ADCY4: variants seen among roughly 807,000 people sequenced by gnomAD.
ADCY4 encodes the protein adenylate cyclase type 4.
A neutral mutation model predicts 125.5 loss-of-function variants in ADCY4; 111 were observed. The ratio of observed to expected loss-of-function variants is 0.88; its 90% CI spans 0.76 to 1.04. The LOEUF is 1.04. ADCY4 is among the 50% of genes least tolerant of loss of function. ADCY4 has a pLI of 0.00. For missense variants in ADCY4, 1,256 were observed against 1,382.9 expected, an observed-to-expected ratio of 0.91 and a Z score of 1.46; for synonymous variants, 576 against 586.9, an observed-to-expected ratio of 0.98 and a Z score of 0.27.
At chr14:24,328,366 T>A (rs1211449459) in intron 10 of ADCY4, among the ~76,000 whole-genome samples, 2 of 152,198 alleles carry the variant, frequency 1.3e-5, no homozygotes, top group Non-Finnish European at 2.9e-5. Context: ...GATGCTGTGC[T>A]TCAGTGGTCA....
intron 6 of ADCY4, 80 bp from the exon 7 acceptor site, chr14:24,330,375 C>A (rs767046301): frequency 1.4e-5 from 22 of 1,591,274 alleles, no homozygotes; most frequent in South Asian, 2.2e-5. Context: ...AAGTGGGCAG[C>A]GAGCGGGGTA....
In ADCY4 at chr14:24,330,425, G is replaced by C. The variant is rs2042023523; in HGVS notation, c.931-130C>G. 3 of 1,287,920 alleles carry C rather than the reference G, an allele frequency of 2.3e-6. No homozygotes were observed. In the South Asian group the frequency reaches 4.1e-5, roughly 17 times the overall value. 79.8% of individuals were successfully genotyped at this position (1,287,920 alleles called of 1,614,324 possible). ...CCAAGGTGGGGTAGTGTCTAGATCA[G>C]ATCTAGGGACTCCTTTCACTTGATA... is the stretch of plus-strand genomic sequence containing the variant. On this transcript the variant is annotated intron_variant, in intron 6 of 24. Coordinates refer to ENST00000418030, the MANE Select transcript of ADCY4 (RefSeq NM_001198568.2).
In ADCY4 at chr14:24,323,303, G is replaced by A. The variant is rs537302509; in HGVS notation, c.2157+41C>T. 3.3e-6 allele frequency: 5 copies of A among 1,515,756 alleles called. No individual in the cohort carries two copies. The African/African-American group carries it at 4.2e-5, about 13-fold the overall frequency. 93.9% of individuals were successfully genotyped at this position (1,515,756 alleles called of 1,614,324 possible). On this transcript the variant is annotated intron_variant, in intron 17 of 24. Transcript: ENST00000418030. ...GGGGCTGTGGGCTTGGGCTGAGGAA[G>A]GGTGTGCAGAAGGAGATTAAGGGCA... is the stretch of plus-strand genomic sequence containing the variant.
rs2041905127 is a variant in ADCY4 at position 24,324,297 on chromosome 14, C to A, written c.1908+10G>T. Reference sequence around the variant, plus strand: ...CCGGCATACCACTTCCACCCCTCAGCCCACCTCACCATCAGGTCCTCTGAG... The same window carrying A: ...CCGGCATACCACTTCCACCCCTCAGACCACCTCACCATCAGGTCCTCTGAG... On this transcript the variant is annotated intron_variant, in intron 15 of 24. Transcript: ENST00000418030. The A allele has an allele frequency of 1.2e-6, 2 of 1,613,946 alleles. No homozygotes were observed. The highest frequency in any genetic ancestry group is 1.7e-6 in the Non-Finnish European group (2 of 1,179,908).
chr14:24,332,759 G>A lies in ADCY4; in HGVS notation c.357+32C>T, dbSNP rs779265980. ...CTGGTGAGGGATCGAAGCCCGGGCC[G>A]TCCCCGCTGCCCCGCCTGCCGCCCC... On this transcript the variant is annotated intron_variant, in intron 2 of 24. Coordinates refer to ENST00000418030, the MANE Select transcript of ADCY4 (RefSeq NM_001198568.2). The A allele has an allele frequency of 3.9e-6, 6 of 1,530,348 alleles. No individual in the cohort carries two copies. In the African/African-American group the frequency reaches 4.1e-5, roughly 10 times the overall value. 94.8% of individuals were successfully genotyped at this position (1,530,348 alleles called of 1,614,324 possible).
In ADCY4 at chr14:24,331,843, T is replaced by A. The variant is rs1306423853; in HGVS notation, c.614A>T (p.Glu205Val). The change falls in exon 4 of 25, where the codon GAG becomes GTG. Residue 205 changes from glutamate (E) to valine (V), a missense_variant. Physicochemically the swap from Glu to Val is moderately radical, Grantham distance 121. Transcript: ENST00000418030. ...MERALRATFR[E>V]ALSSLHSRRR... ...GCGTGAGTGCAGGGAGCTGAGTGCC[T>A]CCCGGAACGTGGCCCGCAGGGCGCG... 7.5e-6 allele frequency: 12 copies of A among 1,603,762 alleles called. No individual in the cohort carries two copies. The highest frequency in any genetic ancestry group is 9.4e-6 in the Non-Finnish European group (11 of 1,172,548).
In ADCY4 at chr14:24,334,837, G is replaced by A. The variant is rs972610547; in HGVS notation, c.-185C>T. The A allele has an allele frequency of 6.9e-6, 4 of 579,260 alleles. No individual in the cohort carries two copies. Among genetic ancestry groups the A allele is most frequent in the African/African-American group, 3.9e-5 (2 of 51,604 alleles). The allele number at this position is 579,260 out of a possible 1,614,324, so 35.9% of individuals were successfully genotyped here. ...CCTGCGGCCTCCCAGCCCGCTCCCAGCTGGCGATGAGGGGATCCCTCAGTC... is the reference window on the plus strand; with the variant it reads ...CCTGCGGCCTCCCAGCCCGCTCCCAACTGGCGATGAGGGGATCCCTCAGTC... On this transcript the variant is annotated 5_prime_UTR_variant, in exon 1 of 25. Transcript: ENST00000418030.
intron 19 of ADCY4, 48 bp downstream of exon 19, chr14:24,322,576 G>A: frequency 1.9e-6 from 3 of 1,578,108 alleles, no homozygotes; most frequent in Non-Finnish European, 2.6e-6. Context: ...CACAGATATG[G>A]GGGCCACTCA....
intron 23 of ADCY4, 104 bp from the exon 24 acceptor site, chr14:24,318,882 G>C: frequency 1.3e-6 from 2 of 1,529,220 alleles, no homozygotes; most frequent in Non-Finnish European, 1.8e-6. Context: ...CCCTAGAGGA[G>C]AGGAGGGGTC....
chr14:24,325,526 C>G (rs17102926), intron 13 of ADCY4, 52 bp from the exon 14 acceptor site: 79,508 of 1,500,368 alleles, frequency 0.053, 3,663 homozygotes, highest in African/African-American at 0.24. Flanking sequence ...TACCCATCAC[C>G]TTGAAGGCAT....
At chr14:24,330,818 T>A (rs2042029425) in intron 6 of ADCY4, 200 bp downstream of exon 6, 2 of 559,006 alleles carry the variant, frequency 3.6e-6, no homozygotes, top group African/African-American at 1.9e-5. Context: ...TTGAGGGATC[T>A]CTGTAGGTTT....
intron 20 of ADCY4, 86 bp downstream of exon 20, chr14:24,321,980 G>A (rs1594650375): frequency 6.7e-7 from 1 of 1,488,966 alleles, no homozygotes; most frequent in East Asian, 2.3e-5. Flanking sequence ...GGGGGTTCTA[G>A]AGAAAACGGG....
chr14:24,324,712 C>CT (rs1056743687), intron 14 of ADCY4, among the ~76,000 whole-genome samples: 175 of 146,780 alleles, frequency 1.2e-3, no homozygotes, highest in South Asian at 2.2e-3. Context: ...TTTTTTTTTT[C>CT]TTTTTTTTTG....
In ADCY4 at chr14:24,326,071, C is replaced by G. The variant is rs1185601033; in HGVS notation, c.1655+8G>C. 2 of 1,571,692 alleles carry G rather than the reference C, an allele frequency of 1.3e-6. No homozygotes were observed. The highest frequency in any genetic ancestry group is 1.7e-6 in the Non-Finnish European group (2 of 1,156,938). On this transcript the variant is annotated splice_region_variant and intron_variant, in intron 12 of 24. Coordinates refer to ENST00000418030, the MANE Select transcript of ADCY4 (RefSeq NM_001198568.2). ...TGCGGCCCCCCCAGCCCTCTTTGTT[C>G]TCCGTACTTCTGCGAGTTGAGCTGC...
At chr14:24,323,118 G>T in intron 17 of ADCY4, 30 bp from the exon 18 acceptor site, 8 of 1,609,156 alleles carry the variant, frequency 5.0e-6, no homozygotes, top group Non-Finnish European at 6.8e-6. Flanking sequence ...TCAGGAGTGG[G>T]CATGTCCCAT....
intron 24 of ADCY4, 27 bp downstream of exon 24, chr14:24,318,627 C>A (rs199619931): frequency 6.2e-7 from 1 of 1,613,990 alleles, no homozygotes; most frequent in African/African-American, 1.3e-5. Context: ...TCCCCCTCCC[C>A]CTATGCCTCC....
chr14:24,323,692 C>T (rs2041893080), intron 16 of ADCY4: 1 of 1,374,582 alleles, frequency 7.3e-7, no homozygotes, highest in African/African-American at 1.5e-5. Flanking sequence ...CTCTTGCCAG[C>T]CACTTAGCCT....
Position 24,325,473 on chromosome 14 carries a change from T to C in ADCY4, c.1727A>G (p.Tyr576Cys), listed in dbSNP as rs2041927201. Residue 576 changes from tyrosine (Y) to cysteine (C), a missense_variant and splice_region_variant, in exon 14 of 25, where the codon TAC becomes TGC. Physicochemically the swap from Tyr to Cys is radical, Grantham distance 194. Transcript: ENST00000418030. Reference sequence around the variant, plus strand: ...GAAGGCGGGGATTGCAGAGAGTCGGTACTGAAAGTGAGAGGGCCAGAGGTG... The same window carrying C: ...GAAGGCGGGGATTGCAGAGAGTCGGCACTGAAAGTGAGAGGGCCAGAGGTG... ...YFREKEMEKEYRLSAIPAFKY... is the reference protein window; with the variant it reads ...YFREKEMEKECRLSAIPAFKY... 1.2e-6 allele frequency: 2 copies of C among 1,613,258 alleles called. No homozygotes were observed. Among genetic ancestry groups the C allele is most frequent in the Non-Finnish European group, 1.7e-6 (2 of 1,179,494 alleles).
chr14:24,328,231 T>TG (rs547461601), intron 10 of ADCY4, among the ~76,000 whole-genome samples: 11,335 of 66,784 alleles, frequency 0.17, 825 homozygotes, highest in East Asian at 0.34. Flanking sequence ...GAAAGCGGGG[T>TG]GGGGGGGGGG....
Sources: gnomAD v4.1 joint callset for allele counts (sites outside exome capture counted in the v4.1 genomes callset) on GRCh38, gnomAD v4.1.1 for gene constraint, MANE v1.5 for transcripts, NCBI Gene and HGNC (gene_info 2026-07-23, HGNC 2026-07-21) for gene names.